PACS1: variants seen among roughly 807,000 people sequenced by gnomAD.
The protein encoded by PACS1 is phosphofurin acidic cluster sorting protein 1.
A neutral mutation model predicts 115.0 loss-of-function variants in PACS1; 24 were observed. That is an observed-to-expected ratio of 0.21 (90% CI 0.15 to 0.29). PACS1 has a LOEUF of 0.29. Ranked by LOEUF, PACS1 falls within the 10% of genes least tolerant of loss-of-function variation. The pLI, the probability that PACS1 is intolerant of heterozygous loss-of-function variation, is 1.00. For synonymous variants in PACS1, 453 were observed against 504.5 expected, an observed-to-expected ratio of 0.90 and a Z score of 1.37; for missense variants, 838 against 1,251.2, an observed-to-expected ratio of 0.67 and a Z score of 4.98.
chr11:66,145,021 G>A (rs1399774692), intron 1 of PACS1, among the ~76,000 whole-genome samples: 1 of 152,064 alleles, frequency 6.6e-6, no homozygotes, highest in Non-Finnish European at 1.5e-5. Context: ...GATGAAAGAG[G>A]GCATTTAAAA....
At chr11:66,156,887 A>C (rs1002324682) in intron 1 of PACS1, among the ~76,000 whole-genome samples, 8 of 152,034 alleles carry the variant, frequency 5.3e-5, no homozygotes, top group African/African-American at 1.9e-4. Flanking sequence ...TGGTTTAATA[A>C]AGGCAGCTAT....
chr11:66,071,123 G>T (rs1008523750), intron 1 of PACS1, among the ~76,000 whole-genome samples: 10 of 152,178 alleles, frequency 6.6e-5, no homozygotes, highest in Non-Finnish European at 1.3e-4. Flanking sequence ...ACCGAATCCG[G>T]CCTTCCTGGC....
At chr11:66,189,401 T>C (rs1035886631) in intron 1 of PACS1, among the ~76,000 whole-genome samples, 1 of 152,250 alleles carries the variant, frequency 6.6e-6, no homozygotes, top group Non-Finnish European at 1.5e-5. Flanking sequence ...GTCTTGTCTA[T>C]TTATTCAACA....
chr11:66,113,685 T>C (rs1858237168), intron 1 of PACS1, among the ~76,000 whole-genome samples: 1 of 152,258 alleles, frequency 6.6e-6, no homozygotes, highest in Admixed American at 6.5e-5. Context: ...TTCCTCCTGT[T>C]CCTGTTAATA....
At chr11:66,105,411 G>A (rs1858014738) in intron 1 of PACS1, among the ~76,000 whole-genome samples, 1 of 152,148 alleles carries the variant, frequency 6.6e-6, no homozygotes. Flanking sequence ...CAACAAGAGT[G>A]AAACTCTGTT....
intron 4 of PACS1, 82 bp downstream of exon 4, chr11:66,211,341 C>G: frequency 6.8e-7 from 1 of 1,463,946 alleles, no homozygotes; most frequent in Non-Finnish European, 9.3e-7. Flanking sequence ...GTTGAGCCTT[C>G]CAGATGATTT....
chr11:66,204,076 G>C (rs1478160170), intron 2 of PACS1, among the ~76,000 whole-genome samples: 1 of 152,062 alleles, frequency 6.6e-6, no homozygotes, highest in Non-Finnish European at 1.5e-5. Flanking sequence ...AAAGCTTCTG[G>C]GCCAGGCACG....
Position 66,232,096 on chromosome 11 carries a change from T to C in PACS1, c.1627-76T>C, listed in dbSNP as rs1855607930. ...ACACCCCTGCTCCAGAGACTCCCCATGCACCAGTCCAGCAGCCCTGTCCTC... is the reference window on the plus strand; with the variant it reads ...ACACCCCTGCTCCAGAGACTCCCCACGCACCAGTCCAGCAGCCCTGTCCTC... On this transcript the variant is annotated intron_variant, in intron 13 of 23. Coordinates refer to ENST00000320580, the MANE Select transcript of PACS1 (RefSeq NM_018026.4). 4.6e-6 allele frequency: 4 copies of C among 869,258 alleles called. No homozygotes were observed. The Middle Eastern group carries it at 6.7e-4, about 145-fold the overall frequency. 53.8% of individuals were successfully genotyped at this position (869,258 alleles called of 1,614,324 possible). A position where few individuals can be genotyped will look rare whatever the true frequency, so the allele number is the denominator to read the frequency against.
intron 1 of PACS1, among the ~76,000 whole-genome samples, chr11:66,092,346 T>A (rs1231801772): frequency 2.6e-5 from 4 of 152,174 alleles, no homozygotes; most frequent in Admixed American, 6.5e-5. Context: ...GTTCATGTCC[T>A]TCGCCCACTT....
At chr11:66,208,365 C>T (rs2134695811) in intron 2 of PACS1, among the ~76,000 whole-genome samples, 1 of 152,178 alleles carries the variant, frequency 6.6e-6, no homozygotes, top group East Asian at 1.9e-4. Flanking sequence ...AATCTGTAAT[C>T]CCAGCACTTT....
At position 66,220,726 on chromosome 11, in the gene PACS1, C is replaced by A. The variant is rs887827264; in HGVS notation, c.1134C>A (p.Pro378=). The A allele has an allele frequency of 6.2e-7, 1 of 1,614,030 alleles. No individual in the cohort carries two copies. Among genetic ancestry groups the A allele is most frequent in the Non-Finnish European group, 8.5e-7 (1 of 1,180,032 alleles). ...ELYDSLEMYN[P]SDSGPEMEET... is the part of the protein sequence containing the mutation. ...ATGACAGTCTGGAGATGTACAACCC[C>A]AGCGACAGTGGCCCTGAGATGGAGG... Residue 378 remains proline, a synonymous_variant, in exon 9 of 24, where the codon CCC becomes CCA. Coordinates refer to ENST00000320580, the MANE Select transcript of PACS1 (RefSeq NM_018026.4).
At chr11:66,141,362 G>A (rs550850660) in intron 1 of PACS1, among the ~76,000 whole-genome samples, 45 of 152,172 alleles carry the variant, frequency 3.0e-4, no homozygotes, top group African/African-American at 1.1e-3. Flanking sequence ...TGCAATGAAA[G>A]CTCATTGTAG....
At chr11:66,161,744 T>C (rs1297416399) in intron 1 of PACS1, among the ~76,000 whole-genome samples, 1 of 152,234 alleles carries the variant, frequency 6.6e-6, no homozygotes, top group Non-Finnish European at 1.5e-5. Flanking sequence ...AGAAATTCAA[T>C]TGGCTACATT....
intron 17 of PACS1, 66 bp downstream of exon 17, chr11:66,234,308 A>G: frequency 9.6e-7 from 1 of 1,041,266 alleles, no homozygotes; most frequent in Non-Finnish European, 1.5e-6. Flanking sequence ...CTGGCTGCAG[A>G]AGGAGGCTGA....
At chr11:66,164,942 A>G (rs1254606717) in intron 1 of PACS1, among the ~76,000 whole-genome samples, 2 of 152,090 alleles carry the variant, frequency 1.3e-5, no homozygotes, top group East Asian at 1.9e-4. Context: ...TGTGCTAGAA[A>G]TTGAGTTGGT....
chr11:66,080,026 A>G (rs1465711700), intron 1 of PACS1, among the ~76,000 whole-genome samples: 2 of 152,014 alleles, frequency 1.3e-5, no homozygotes, highest in African/African-American at 4.8e-5. Context: ...CACCTGCCCA[A>G]CCCCTTCTGG....
At chr11:66,226,302 G>A (rs1855469374) in intron 10 of PACS1, among the ~76,000 whole-genome samples, 1 of 152,230 alleles carries the variant, frequency 6.6e-6, no homozygotes, top group African/African-American at 2.4e-5. Flanking sequence ...TGAAGATCTG[G>A]GGTCCCAGAG....
chr11:66,186,517 T>G (rs1232891336), intron 1 of PACS1, among the ~76,000 whole-genome samples: 1 of 152,186 alleles, frequency 6.6e-6, no homozygotes, highest in Non-Finnish European at 1.5e-5. Context: ...CTAGCTCTAT[T>G]TTCACACAAT....
intron 1 of PACS1, among the ~76,000 whole-genome samples, chr11:66,163,326 G>A (rs571645181): frequency 3.5e-4 from 52 of 149,626 alleles, no homozygotes; most frequent in African/African-American, 1.1e-3. Context: ...ACTCCAGCAT[G>A]GGCGACAGAG....
Sources: allele counts gnomAD v4.1 joint callset (sites outside exome capture counted in the v4.1 genomes callset), GRCh38; gene constraint gnomAD v4.1.1; transcripts MANE v1.5; gene names NCBI Gene and HGNC (gene_info 2026-07-23, HGNC 2026-07-21).